CDH18: variants seen among roughly 807,000 people sequenced by gnomAD.
The protein encoded by CDH18 is cadherin 18.
In CDH18, 31 loss-of-function variants were observed where a neutral mutation model predicts 67.9. The observed-to-expected ratio is 0.46, with a 90% CI of 0.34 to 0.62. The LOEUF is 0.62. Ranked by LOEUF, CDH18 falls within the 20% of genes least tolerant of loss-of-function variation. The pLI, the probability that CDH18 is intolerant of heterozygous loss-of-function variation, is 0.01. For synonymous variants in CDH18, 362 were observed against 347.2 expected (o/e 1.04, Z -0.48); for missense variants, 890 against 975.5 (o/e 0.91, Z 1.17).
Position 20,419,462 on chromosome 5 carries a change from G to GTTTT in CDH18, c.-580+155996_-580+155999dup, listed in dbSNP as rs202130030. Among the ~76,000 whole-genome samples the GTTTT allele has an allele frequency of 1.0e-2, 752 of 75,568 alleles. 114 individuals carry two copies. The highest frequency in any genetic ancestry group is 0.014 in the Non-Finnish European group (552 of 38,726). The allele number at this position is 75,568 out of a possible 152,430, so 49.6% of individuals were successfully genotyped here. On this transcript the variant is annotated intron_variant, in intron 1 of 14. Coordinates refer to the CDH18 transcript ENST00000507958. ...CCAACCACCCAGGGTATGGGACTCT[G>GTTTT]TTTTTTTTTTTTTTTTTTTTTTTTT...
chr5:20,481,609 T>C (rs991451544), intron 1 of CDH18, among the ~76,000 whole-genome samples: 1 of 152,086 alleles, frequency 6.6e-6, no homozygotes, highest in African/African-American at 2.4e-5. Flanking sequence ...AGATTTTCTC[T>C]GGCCACAATG....
intron 1 of CDH18, among the ~76,000 whole-genome samples, chr5:20,360,431 T>C (rs766026032): frequency 9.1e-4 from 138 of 152,286 alleles, no homozygotes; most frequent in African/African-American, 3.1e-3. Flanking sequence ...TATGTGAGCA[T>C]GGACTCTTGG....
intron 2 of CDH18, among the ~76,000 whole-genome samples, chr5:19,994,244 C>CAT (rs1561694897): frequency 5.8e-5 from 8 of 137,508 alleles, no homozygotes; most frequent in African/African-American, 2.5e-4. Context: ...TATACACACA[C>CAT]ATATACACAT....
intron 6 of CDH18, among the ~76,000 whole-genome samples, chr5:19,605,723 A>G (rs1361417016): frequency 1.3e-5 from 2 of 152,072 alleles, no homozygotes; most frequent in South Asian, 2.1e-4. Context: ...GAAAGAAACC[A>G]TAACAAAACA....
intron 5 of CDH18, among the ~76,000 whole-genome samples, chr5:19,671,956 CTA>C (rs1276268345): frequency 6.6e-6 from 1 of 152,060 alleles, no homozygotes; most frequent in Non-Finnish European, 1.5e-5. Context: ...GGAACAATTC[CTA>C]GGTATTCACA....
intron 1 of CDH18, among the ~76,000 whole-genome samples, chr5:20,488,536 CA>C (rs550943389): frequency 6.6e-6 from 1 of 151,830 alleles, no homozygotes; most frequent in Non-Finnish European, 1.5e-5. Context: ...GATCTCTTCC[CA>C]AAACTACTTA....
intron 1 of CDH18, among the ~76,000 whole-genome samples, chr5:20,488,700 T>TATATATATATATATATATATATATACAC: frequency 7.3e-6 from 1 of 137,308 alleles, no homozygotes; most frequent in African/African-American, 2.7e-5. Context: ...TATATATATA[T>TATATATATATATATATATATATATACAC]ACACACACAT....
chr5:19,519,290 A>G (rs1746520255), intron 10 of CDH18, among the ~76,000 whole-genome samples: 1 of 152,196 alleles, frequency 6.6e-6, no homozygotes, highest in Non-Finnish European at 1.5e-5. Context: ...CGGGACTAAA[A>G]ACAAATAGGT....
At chr5:19,605,824 G>C (rs570021325) in intron 6 of CDH18, among the ~76,000 whole-genome samples, 1 of 152,216 alleles carries the variant, frequency 6.6e-6, no homozygotes, top group African/African-American at 2.4e-5. Context: ...TTTGGAGACA[G>C]GTTGGAGTTC....
chr5:20,293,319 A>C (rs1747245964), intron 1 of CDH18, among the ~76,000 whole-genome samples: 1 of 152,158 alleles, frequency 6.6e-6, no homozygotes, highest in Admixed American at 6.6e-5. Flanking sequence ...TCCATCTCAA[A>C]AAAACAAAAC....
At chr5:19,868,292 T>C (rs913791692) in intron 2 of CDH18, among the ~76,000 whole-genome samples, 19 of 152,166 alleles carry the variant, frequency 1.2e-4, no homozygotes, top group Non-Finnish European at 1.5e-5. Flanking sequence ...TCTGTGGGGA[T>C]CCAGCTCTTC....
intron 3 of CDH18, among the ~76,000 whole-genome samples, chr5:19,824,330 G>T (rs1290554060): frequency 6.6e-6 from 1 of 152,160 alleles, no homozygotes; most frequent in Non-Finnish European, 1.5e-5. Flanking sequence ...GAGCAGAGAG[G>T]AGTAGAGCTA....
At chr5:20,260,587 G>A (rs1744575306) in intron 1 of CDH18, among the ~76,000 whole-genome samples, 1 of 152,150 alleles carries the variant, frequency 6.6e-6, no homozygotes, top group African/African-American at 2.4e-5. Flanking sequence ...CTGTATTAGA[G>A]AGTGGTAGAT....
In CDH18 at chr5:19,712,204, C is replaced by T. The variant is rs537783362; in HGVS notation, c.643+9143G>A. ...GAAATTACTTATTGGGTACAAAGTA[C>T]ATTTTCTGGGTGTTTATTATACCAA... is the stretch of plus-strand genomic sequence containing the variant. On this transcript the variant is annotated intron_variant, in intron 5 of 12. Transcript: ENST00000382275. Among the ~76,000 whole-genome samples the T allele has an allele frequency of 9.5e-4, 145 of 152,076 alleles. 1 individual carries two copies. The South Asian group carries it at 0.029, about 31-fold the overall frequency.
At chr5:19,891,493 T>A in intron 2 of CDH18, among the ~76,000 whole-genome samples, 1 of 152,180 alleles carries the variant, frequency 6.6e-6, no homozygotes, top group Admixed American at 6.6e-5. Flanking sequence ...ACGTAAAAGA[T>A]AATTTATAAT....
At chr5:19,985,477 T>C (rs1208243592) in intron 1 of CDH18, among the ~76,000 whole-genome samples, 1 of 152,022 alleles carries the variant, frequency 6.6e-6, no homozygotes, top group Non-Finnish European at 1.5e-5. Context: ...TAGTTAACAA[T>C]GTCTAACAAT....
chr5:20,446,516 A>G (rs1016069870), intron 1 of CDH18, among the ~76,000 whole-genome samples: 3 of 152,170 alleles, frequency 2.0e-5, no homozygotes, highest in Admixed American at 6.5e-5. Context: ...TCACCAAGAA[A>G]AGGTGCATTA....
At position 20,152,508 on chromosome 5, in the gene CDH18, C is replaced by A. The variant is rs895296457; in HGVS notation, c.-518+102936G>T. 2.0e-5 allele frequency among the ~76,000 whole-genome samples: 3 copies of A among 151,792 alleles called. No homozygotes were observed. The South Asian group carries it at 6.2e-4, about 31-fold the overall frequency. ...TCTTATGCTTGCAGAGTGGGTATTA[C>A]ATTTTCAGCTGGTTAATCCTTATAA... On this transcript the variant is annotated intron_variant, in intron 2 of 14. Transcript: ENST00000507958.
chr5:20,390,258 C>A (rs1444842495), intron 1 of CDH18, among the ~76,000 whole-genome samples: 1 of 151,566 alleles, frequency 6.6e-6, no homozygotes, highest in Admixed American at 6.6e-5. Context: ...GGGCTAATAT[C>A]CAGAATCCAC....
Sources: allele counts gnomAD v4.1 joint callset (sites outside exome capture counted in the v4.1 genomes callset), GRCh38; gene constraint gnomAD v4.1.1; transcripts MANE v1.5; gene names NCBI Gene and HGNC (gene_info 2026-07-23, HGNC 2026-07-21).